Variants in WDR7 observed in about 807,000 individuals in gnomAD.
The protein encoded by WDR7 is WD repeat-containing protein 7.
In WDR7, 46 loss-of-function variants were observed where a neutral mutation model predicts 169.4. The ratio of observed to expected loss-of-function variants is 0.27; its 90% CI spans 0.21 to 0.35. The LOEUF (loss-of-function observed/expected upper bound fraction) is 0.35, where lower values mean the gene tolerates loss of function less well. WDR7 is among the 10% of genes least tolerant of loss of function. The pLI, the probability that WDR7 is intolerant of heterozygous loss-of-function variation, is 1.00. For synonymous variants in WDR7, 612 were observed against 666.8 expected (o/e 0.92, Z 1.27); for missense variants, 1,534 against 1,859.3 (o/e 0.83, Z 3.22).
intron 14 of WDR7, among the ~76,000 whole-genome samples, chr18:56,741,418 C>A (rs955508031): frequency 6.6e-6 from 1 of 152,186 alleles, no homozygotes; most frequent in African/African-American, 2.4e-5. Context: ...AGTTTATGAT[C>A]TTTCCCCCAG....
intron 7 of WDR7, among the ~76,000 whole-genome samples, chr18:56,689,174 T>C (rs970101662): frequency 5.9e-5 from 9 of 152,194 alleles, no homozygotes; most frequent in East Asian, 1.9e-4. Context: ...AAGATACTTA[T>C]TATCATGAAG....
chr18:56,752,698 T>G (rs1357088053), intron 14 of WDR7, among the ~76,000 whole-genome samples: 1 of 152,180 alleles, frequency 6.6e-6, no homozygotes, highest in Non-Finnish European at 1.5e-5. Flanking sequence ...ATCACATTAT[T>G]TATGTATTTT....
At chr18:56,924,160 G>GT (rs779424361) in intron 22 of WDR7, 52 bp downstream of exon 22, 312 of 1,592,596 alleles carry the variant, frequency 2.0e-4, no homozygotes, top group East Asian at 7.0e-4. Context: ...TGTTTTAGGG[G>GT]TTTTTTTGGT....
chr18:56,703,515 GAACT>G lies in WDR7; in HGVS notation c.1578+7057_1578+7060del, dbSNP rs1006100444. Among the ~76,000 whole-genome samples, 50 of 152,218 alleles carry G rather than the reference GAACT, an allele frequency of 3.3e-4. 1 individual carries two copies. Among genetic ancestry groups the G allele is most frequent in the African/African-American group, 1.1e-3 (46 of 41,536 alleles). On this transcript the variant is annotated intron_variant, in intron 12 of 27. Coordinates refer to ENST00000254442, the MANE Select transcript of WDR7 (RefSeq NM_015285.3). ...ACAAACTAAGCAAAAACAGGAAGCA[GAACT>G]AACATTATTTTCTTAAAATACAATG...
In WDR7 at chr18:56,885,513, G is replaced by A. The variant is rs933140094; in HGVS notation, c.3526+5348G>A. Among the ~76,000 whole-genome samples, 8 of 151,800 alleles carry A rather than the reference G, an allele frequency of 5.3e-5. 1 individual carries two copies. Among genetic ancestry groups the A allele is most frequent in the Non-Finnish European group, 8.8e-5 (6 of 67,958 alleles). On this transcript the variant is annotated intron_variant, in intron 21 of 27. Transcript: ENST00000254442. ...ACTGGAAAGTCTCAGCAATAGAATCGAACAAGCAGAAGAAAGAACTTCAGA... is the reference window on the plus strand; with the variant it reads ...ACTGGAAAGTCTCAGCAATAGAATCAAACAAGCAGAAGAAAGAACTTCAGA...
chr18:56,688,561 CA>C (rs68137220), intron 7 of WDR7, among the ~76,000 whole-genome samples: 8,455 of 135,146 alleles, frequency 0.063, 771 homozygotes, highest in African/African-American at 0.21. Flanking sequence ...ACTAAAAATA[CA>C]AAAAAAAAAA....
chr18:56,794,778 T>C (rs2044555177), intron 19 of WDR7, among the ~76,000 whole-genome samples: 2 of 152,340 alleles, frequency 1.3e-5, no homozygotes, highest in South Asian at 4.1e-4. Context: ...TAAAAGTTCA[T>C]ATATAACAGT....
chr18:56,994,409 CAT>C (rs769694896), intron 26 of WDR7, among the ~76,000 whole-genome samples: 38 of 152,030 alleles, frequency 2.5e-4, no homozygotes, highest in African/African-American at 2.7e-4. Flanking sequence ...TCCTTGGAAA[CAT>C]GTGAGTTTTG....
At chr18:56,976,572 ACT>A (rs751810446) in intron 26 of WDR7, among the ~76,000 whole-genome samples, 2 of 151,988 alleles carry the variant, frequency 1.3e-5, no homozygotes, top group African/African-American at 2.4e-5. Context: ...CTATCAGGAG[ACT>A]CTGTTTTGCT....
chr18:56,880,603 CAT>C (rs1472066969), intron 21 of WDR7, among the ~76,000 whole-genome samples: 2 of 152,186 alleles, frequency 1.3e-5, no homozygotes, highest in Non-Finnish European at 2.9e-5. Context: ...ATTCTCAACA[CAT>C]ATTTGTTAAA....
chr18:56,760,005 A>G (rs1303808782), intron 16 of WDR7, among the ~76,000 whole-genome samples: 1 of 152,124 alleles, frequency 6.6e-6, no homozygotes, highest in Non-Finnish European at 1.5e-5. Context: ...TCTATCCATC[A>G]TTTCCAAACC....
chr18:56,692,670 T>G (rs1407397385), intron 9 of WDR7, among the ~76,000 whole-genome samples: 1 of 151,912 alleles, frequency 6.6e-6, no homozygotes, highest in African/African-American at 2.4e-5. Flanking sequence ...CATGTCCAAT[T>G]AACCTAAGGA....
chr18:56,811,242 G>A (rs899073446), intron 19 of WDR7, among the ~76,000 whole-genome samples: 7 of 152,032 alleles, frequency 4.6e-5, no homozygotes, highest in East Asian at 1.9e-4. Context: ...GTGAATGTTC[G>A]TGTAGATGCT....
chr18:56,935,218 G>A (rs558939222), intron 22 of WDR7, among the ~76,000 whole-genome samples: 27 of 152,258 alleles, frequency 1.8e-4, no homozygotes, highest in Non-Finnish European at 3.1e-4. Context: ...ATAACTGTTG[G>A]TGGAGCATGC....
At chr18:56,654,053 A>G (rs560831159) in intron 1 of WDR7, among the ~76,000 whole-genome samples, 11 of 152,334 alleles carry the variant, frequency 7.2e-5, no homozygotes, top group Non-Finnish European at 1.5e-4. Flanking sequence ...CAATTTTTCC[A>G]GACTAATAGA....
At chr18:56,888,157 T>C (rs2046221069) in intron 21 of WDR7, among the ~76,000 whole-genome samples, 1 of 152,216 alleles carries the variant, frequency 6.6e-6, no homozygotes, top group Non-Finnish European at 1.5e-5. Context: ...GTTATCCACA[T>C]TGATGGGAGG....
At chr18:56,839,200 A>G (rs1218300629) in intron 20 of WDR7, among the ~76,000 whole-genome samples, 1 of 152,152 alleles carries the variant, frequency 6.6e-6, no homozygotes, top group African/African-American at 2.4e-5. Context: ...CCTGTATACA[A>G]TGTATAGTTA....
intron 21 of WDR7, among the ~76,000 whole-genome samples, chr18:56,920,124 T>G (rs1280435536): frequency 6.6e-6 from 1 of 152,158 alleles, no homozygotes; most frequent in Non-Finnish European, 1.5e-5. Flanking sequence ...TTTTACTACA[T>G]GTAACCCCTT....
chr18:56,839,519 A>G (rs1163922032), intron 20 of WDR7, among the ~76,000 whole-genome samples: 1 of 152,176 alleles, frequency 6.6e-6, no homozygotes, highest in East Asian at 1.9e-4. Flanking sequence ...CTATTCTTTA[A>G]TATTATCTAA....
Sources: allele counts gnomAD v4.1 joint callset (sites outside exome capture counted in the v4.1 genomes callset), GRCh38; gene constraint gnomAD v4.1.1; transcripts MANE v1.5; gene names NCBI Gene and HGNC (gene_info 2026-07-23, HGNC 2026-07-21).